Variants in PBX3 observed in about 807,000 individuals in gnomAD.
PBX3 encodes pre-B-cell leukemia transcription factor 3.
PBX3 carries 14 observed loss-of-function variants against 48.5 expected under a neutral mutation model. The observed-to-expected ratio is 0.29, with a 90% CI of 0.19 to 0.45. The LOEUF is 0.45. PBX3 is among the 20% of genes least tolerant of loss of function. The probability of loss-of-function intolerance (pLI) is 1.00; values close to 1 mark genes in which losing one functional copy is unlikely to be tolerated. For missense variants in PBX3, 386 were observed against 546.7 expected (o/e 0.71, Z 2.93); for synonymous variants, 210 against 200.3 (o/e 1.05, Z -0.41).
intron 2 of PBX3, among the ~76,000 whole-genome samples, chr9:125,807,941 G>A (rs1181523838): frequency 6.6e-6 from 1 of 152,140 alleles, no homozygotes; most frequent in Non-Finnish European, 1.5e-5. Context: ...AATTAATTGA[G>A]TTATTAAGTC....
chr9:125,834,396 GT>G (rs767385918), intron 2 of PBX3, among the ~76,000 whole-genome samples: 8 of 151,694 alleles, frequency 5.3e-5, no homozygotes, highest in African/African-American at 1.7e-4. Flanking sequence ...ATTTTTACTT[GT>G]TTTTTTTATT....
intron 2 of PBX3, among the ~76,000 whole-genome samples, chr9:125,905,513 T>C (rs190327709): frequency 6.6e-6 from 1 of 152,158 alleles, no homozygotes; most frequent in Admixed American, 6.6e-5. Context: ...CTTTGAGAAG[T>C]CAGATGTTTG....
intron 5 of PBX3, 71 bp from the exon 6 acceptor site, chr9:125,960,613 A>C (rs907993547): frequency 1.4e-6 from 2 of 1,394,938 alleles, no homozygotes; most frequent in African/African-American, 1.4e-5. Context: ...CTTGGTGTCC[A>C]GCAGGTATTA....
chr9:125,916,051 C>T, intron 3 of PBX3, 124 bp downstream of exon 3: 1 of 1,360,602 alleles, frequency 7.3e-7, no homozygotes, highest in South Asian at 1.5e-5. Flanking sequence ...TAAATAAGGT[C>T]AGTGCAAAAA....
At chr9:125,748,837 C>G (rs1270421409) in intron 2 of PBX3, 4 of 408,500 alleles carry the variant, frequency 9.8e-6, no homozygotes, top group African/African-American at 2.0e-5. Flanking sequence ...TAGGTGCGGA[C>G]CGGGCTGGAT....
intron 6 of PBX3, 70 bp downstream of exon 6, chr9:125,960,919 C>A: frequency 6.7e-7 from 1 of 1,501,420 alleles, no homozygotes; most frequent in Non-Finnish European, 9.1e-7. Flanking sequence ...TCCCACAGGC[C>A]AGGAAACAAG....
In PBX3 at chr9:125,915,957, A is replaced by G. The variant is rs376943455; in HGVS notation, c.516+30A>G. ...GCAGCCGCCACTCTCATAGTCCTAC[A>G]CAAACCCTCTGTTGCTCTTCTATTA... On this transcript the variant is annotated intron_variant, in intron 3 of 8. Coordinates refer to ENST00000373489, the MANE Select transcript of PBX3 (RefSeq NM_006195.6). 1.2e-4 allele frequency: 200 copies of G among 1,605,096 alleles called. 6 individuals carry two copies. In the South Asian group the frequency reaches 1.5e-3, roughly 12 times the overall value.
chr9:125,908,502 G>T (rs886275435), intron 2 of PBX3, among the ~76,000 whole-genome samples: 1 of 152,046 alleles, frequency 6.6e-6, no homozygotes, highest in African/African-American at 2.4e-5. Context: ...TTAATAATAT[G>T]AGTATTAATA....
intron 2 of PBX3, among the ~76,000 whole-genome samples, chr9:125,864,838 G>A (rs1330069500): frequency 3.3e-5 from 5 of 152,204 alleles, no homozygotes; most frequent in African/African-American, 1.2e-4. Flanking sequence ...TCCGTGACTT[G>A]GGGATTGGGG....
At chr9:125,758,813 T>C (rs1322079806) in intron 2 of PBX3, among the ~76,000 whole-genome samples, 1 of 151,470 alleles carries the variant, frequency 6.6e-6, no homozygotes, top group Non-Finnish European at 1.5e-5. Flanking sequence ...CTGGGTGCTT[T>C]ACATGCATTT....
At chr9:125,925,945 T>C (rs1841565315) in intron 3 of PBX3, among the ~76,000 whole-genome samples, 1 of 152,192 alleles carries the variant, frequency 6.6e-6, no homozygotes, top group South Asian at 2.1e-4. Context: ...AAGATTTTGG[T>C]TAACCCAGCA....
chr9:125,785,175 A>T (rs2132047216), intron 2 of PBX3, among the ~76,000 whole-genome samples: 1 of 152,150 alleles, frequency 6.6e-6, no homozygotes, highest in South Asian at 2.1e-4. Flanking sequence ...AGTTCTTGGG[A>T]TGGTTAATAT....
intron 2 of PBX3, among the ~76,000 whole-genome samples, chr9:125,878,169 C>T (rs1383115274): frequency 6.6e-6 from 1 of 152,134 alleles, no homozygotes; most frequent in African/African-American, 2.4e-5. Flanking sequence ...GGAGAGAAGT[C>T]ATTAGTTAAC....
chr9:125,949,164 C>T (rs1050041678), intron 5 of PBX3, among the ~76,000 whole-genome samples: 1 of 152,296 alleles, frequency 6.6e-6, no homozygotes, highest in East Asian at 1.9e-4. Context: ...GACTCTGCTC[C>T]AGCACTATTT....
In PBX3 at chr9:125,793,357, G is replaced by GAA. The variant is rs374195121; in HGVS notation, c.274+44743_274+44744dup. On this transcript the variant is annotated intron_variant, in intron 2 of 8. Transcript: ENST00000373489. ...ACAGAGTGAGACTCCATTTGGGGGG[G>GAA]AAAAAAAAAATATATATATATATAT... is the stretch of plus-strand genomic sequence containing the variant. 8.1e-3 allele frequency among the ~76,000 whole-genome samples: 880 copies of GAA among 109,032 alleles called. 28 individuals are homozygous for GAA. Among genetic ancestry groups the GAA allele is most frequent in the African/African-American group, 0.031 (785 of 25,420 alleles). 71.5% of individuals were successfully genotyped at this position (109,032 alleles called of 152,430 possible). A position where few individuals can be genotyped will look rare whatever the true frequency, so the allele number is the denominator to read the frequency against.
intron 2 of PBX3, among the ~76,000 whole-genome samples, chr9:125,802,903 T>C (rs1186421539): frequency 6.6e-6 from 1 of 152,102 alleles, no homozygotes; most frequent in Non-Finnish European, 1.5e-5. Flanking sequence ...GGTCTCGAAC[T>C]CCTGACCTCA....
chr9:125,839,450 CAAAG>C (rs1839227758), intron 2 of PBX3, among the ~76,000 whole-genome samples: 1 of 152,060 alleles, frequency 6.6e-6, no homozygotes, highest in South Asian at 2.1e-4. Context: ...AATGAGGTTC[CAAAG>C]AAAGAGGAAG....
At position 125,915,802 on chromosome 9, in the gene PBX3, G is replaced by A. The variant is rs754730113; in HGVS notation, c.391G>A (p.Ala131Thr). 6.2e-7 allele frequency: 1 copy of A among 1,613,482 alleles called. No homozygotes were observed. Among genetic ancestry groups the A allele is most frequent in the Admixed American group, 1.7e-5 (1 of 60,012 alleles). The change falls in exon 3 of 9, where the codon GCA becomes ACA. Residue 131 changes from alanine to threonine, a missense_variant. Ala to Thr is a moderately conservative substitution (Grantham distance 58). Transcript: ENST00000373489. ...TCCTGAGAAAGGTGGGGGATCGGCG[G>A]CAGCAGCTGCAGCCGCGGCAGCCTC... ...SGPEKGGGSA[A>T]AAAAAAASGG...
chr9:125,803,388 C>T (rs917894986), intron 2 of PBX3, among the ~76,000 whole-genome samples: 7 of 152,066 alleles, frequency 4.6e-5, no homozygotes, highest in African/African-American at 1.4e-4. Flanking sequence ...GTGCCCGGCC[C>T]CCACTGATGT....
Sources: allele counts gnomAD v4.1 joint callset (sites outside exome capture counted in the v4.1 genomes callset), GRCh38; gene constraint gnomAD v4.1.1; transcripts MANE v1.5; gene names NCBI Gene and HGNC (gene_info 2026-07-23, HGNC 2026-07-21).